The following CPNE4 variants were observed in gnomAD, a reference collection of about 807,000 sequenced individuals.
CPNE4 encodes copine-4.
CPNE4 carries 25 observed loss-of-function variants against 67.9 expected under a neutral mutation model. That is an observed-to-expected ratio of 0.37 (90% confidence interval 0.27 to 0.51). The LOEUF is 0.51. Among genes scored for constraint, CPNE4 ranks in the 20% least tolerant of loss-of-function variants. The pLI is 0.93. For missense variants in CPNE4, 464 were observed against 690.8 expected (o/e 0.67, Z 3.68); for synonymous variants, 242 against 244.9 (o/e 0.99, Z 0.11).
At chr3:131,838,129 A>G (rs935595960) in intron 2 of CPNE4, among the ~76,000 whole-genome samples, 13 of 151,956 alleles carry the variant, frequency 8.6e-5, no homozygotes, top group Non-Finnish European at 1.8e-4. Flanking sequence ...TGCAGCTTCT[A>G]TGTTAAGTCT....
At chr3:131,919,190 T>G (rs1354797976) in intron 1 of CPNE4, among the ~76,000 whole-genome samples, 1 of 152,114 alleles carries the variant, frequency 6.6e-6, no homozygotes, top group African/African-American at 2.4e-5. Context: ...TAGCACTAAG[T>G]GAATAGTGAA....
chr3:132,001,074 A>G (rs189230749), intron 1 of CPNE4, among the ~76,000 whole-genome samples: 18 of 152,136 alleles, frequency 1.2e-4, no homozygotes, highest in Non-Finnish European at 2.5e-4. Context: ...TTAATGTCCA[A>G]TTTTGGTCTC....
intron 3 of CPNE4, among the ~76,000 whole-genome samples, chr3:131,716,305 C>T (rs1440973277): frequency 1.3e-5 from 2 of 151,884 alleles, no homozygotes. Context: ...TTTATCTTTC[C>T]TTTAGGGCCT....
At chr3:131,559,532 C>T (rs969975639) in intron 11 of CPNE4, among the ~76,000 whole-genome samples, 4 of 151,812 alleles carry the variant, frequency 2.6e-5, no homozygotes, top group African/African-American at 9.7e-5. Context: ...ATCAATTATG[C>T]ACTAGTAATA....
intron 3 of CPNE4, among the ~76,000 whole-genome samples, chr3:131,715,339 T>A (rs2081656488): frequency 6.6e-6 from 1 of 152,192 alleles, no homozygotes; most frequent in South Asian, 2.1e-4. Context: ...GTAAGACAAA[T>A]AAACTTAAGA....
intron 2 of CPNE4, among the ~76,000 whole-genome samples, chr3:131,751,756 G>A (rs1195456915): frequency 7.4e-6 from 1 of 135,716 alleles, no homozygotes; most frequent in African/African-American, 2.7e-5. Context: ...TAAATCTTCT[G>A]TTTAGCTGTT....
chr3:131,773,498 C>A (rs900841032), intron 2 of CPNE4, among the ~76,000 whole-genome samples: 4 of 151,988 alleles, frequency 2.6e-5, no homozygotes, highest in African/African-American at 9.7e-5. Context: ...CAGGTGTGTG[C>A]CACCATGCCC....
At chr3:131,940,789 CAA>C (rs2071362553) in intron 1 of CPNE4, among the ~76,000 whole-genome samples, 1 of 152,058 alleles carries the variant, frequency 6.6e-6, no homozygotes, top group South Asian at 2.1e-4. Flanking sequence ...CAGGAACACA[CAA>C]TTACAAGGTA....
At chr3:131,708,301 G>T (rs1324131266) in intron 3 of CPNE4, among the ~76,000 whole-genome samples, 1 of 152,122 alleles carries the variant, frequency 6.6e-6, no homozygotes, top group Non-Finnish European at 1.5e-5. Context: ...AGGGGAAGAT[G>T]GCAAGGGGTG....
intron 1 of CPNE4, among the ~76,000 whole-genome samples, chr3:131,918,518 T>C (rs2070642171): frequency 6.6e-6 from 1 of 152,124 alleles, no homozygotes. Flanking sequence ...CATATTTCCA[T>C]TAAAATAGCC....
chr3:131,667,774 C>T (rs568464819), intron 7 of CPNE4, among the ~76,000 whole-genome samples: 3 of 152,164 alleles, frequency 2.0e-5, no homozygotes, highest in Non-Finnish European at 4.4e-5. Context: ...CAAAGTGTTC[C>T]TTTTCTGCAT....
At chr3:131,595,925 T>C (rs1211019830) in intron 7 of CPNE4, among the ~76,000 whole-genome samples, 2 of 152,178 alleles carry the variant, frequency 1.3e-5, no homozygotes, top group African/African-American at 4.8e-5. Context: ...AAATGAAGCA[T>C]GTACAATAGT....
intron 2 of CPNE4, among the ~76,000 whole-genome samples, chr3:131,874,127 C>A (rs2087336116): frequency 6.7e-6 from 1 of 149,554 alleles, no homozygotes; most frequent in South Asian, 2.1e-4. Context: ...TTCGCTCTGT[C>A]GCCCAGGCTG....
chr3:131,859,203 T>C (rs965514563), intron 2 of CPNE4, among the ~76,000 whole-genome samples: 5 of 152,196 alleles, frequency 3.3e-5, no homozygotes, highest in African/African-American at 7.2e-5. Flanking sequence ...TGTATACCTG[T>C]TGGTTCAGTG....
intron 7 of CPNE4, among the ~76,000 whole-genome samples, chr3:131,645,730 C>T (rs755127029): frequency 1.3e-5 from 2 of 152,106 alleles, no homozygotes; most frequent in Non-Finnish European, 2.9e-5. Flanking sequence ...TAATGCATTT[C>T]TAAAATAACA....
intron 11 of CPNE4, 79 bp downstream of exon 11, chr3:131,564,137 T>A: frequency 6.4e-7 from 1 of 1,564,708 alleles, no homozygotes; most frequent in Non-Finnish European, 8.8e-7. Context: ...TAATTTCCAC[T>A]TTCTGCCCAG....
intron 1 of CPNE4, among the ~76,000 whole-genome samples, chr3:132,018,796 C>T (rs1046853275): frequency 6.6e-6 from 1 of 152,188 alleles, no homozygotes; most frequent in East Asian, 1.9e-4. Flanking sequence ...TAATATACCA[C>T]ATCATTGTCA....
At chr3:131,880,008 T>C (rs778694303) in intron 2 of CPNE4, among the ~76,000 whole-genome samples, 3 of 152,128 alleles carry the variant, frequency 2.0e-5, no homozygotes, top group Non-Finnish European at 4.4e-5. Context: ...TAAAAAAACA[T>C]TGATTCATAC....
chr3:131,928,471 C>T (rs995712008), intron 1 of CPNE4, among the ~76,000 whole-genome samples: 1 of 152,110 alleles, frequency 6.6e-6, no homozygotes, highest in African/African-American at 2.4e-5. Flanking sequence ...GCCAGTGACC[C>T]CCAATGCCTT....
Sources: allele counts gnomAD v4.1 joint callset (sites outside exome capture counted in the v4.1 genomes callset), GRCh38; gene constraint gnomAD v4.1.1; transcripts MANE v1.5; gene names NCBI Gene and HGNC (gene_info 2026-07-23, HGNC 2026-07-21).